BMAL1: variants seen among roughly 807,000 people sequenced by gnomAD.
The protein encoded by BMAL1 is basic helix-loop-helix ARNT-like protein 1.
chr11:13,383,613 C>G, the BMAL1 span, among the ~76,000 whole-genome samples: 1 of 152,154 alleles, frequency 6.6e-6, no homozygotes, highest in Non-Finnish European at 1.5e-5. Context: ...CTCTGGGAAG[C>G]TGAGGCAGGC....
At chr11:13,327,861 C>T in the BMAL1 span, among the ~76,000 whole-genome samples, 4 of 13,620 alleles carry the variant, frequency 2.9e-4, no homozygotes, top group Admixed American at 2.9e-3. Context: ...AAATACAAGC[C>T]CAGCATTTTT....
the BMAL1 span, among the ~76,000 whole-genome samples, chr11:13,303,645 C>T: frequency 6.6e-6 from 1 of 152,190 alleles, no homozygotes; most frequent in East Asian, 1.9e-4. Context: ...TCCTTTTATC[C>T]TGTGTCTCTG....
chr11:13,370,765 T>TA, the BMAL1 span, among the ~76,000 whole-genome samples: 1 of 152,168 alleles, frequency 6.6e-6, no homozygotes, highest in East Asian at 1.9e-4. Flanking sequence ...AGTCCCCTTT[T>TA]AAAAACCCTT....
chr11:13,290,804 A>G, the BMAL1 span, among the ~76,000 whole-genome samples: 1 of 152,096 alleles, frequency 6.6e-6, no homozygotes, highest in Non-Finnish European at 1.5e-5. Context: ...GTCTCAGTCC[A>G]GTGCCCAGCT....
the BMAL1 span, among the ~76,000 whole-genome samples, chr11:13,340,352 C>T: frequency 6.6e-6 from 1 of 152,204 alleles, no homozygotes; most frequent in Non-Finnish European, 1.5e-5. Flanking sequence ...GGCTTCGTCT[C>T]CCTAAGGAAA....
the BMAL1 span, among the ~76,000 whole-genome samples, chr11:13,285,834 C>T: frequency 6.6e-6 from 1 of 152,134 alleles, no homozygotes; most frequent in Non-Finnish European, 1.5e-5. Context: ...TTATCATACC[C>T]TGCTTAGAAG....
chr11:13,357,071 C>A, the BMAL1 span: 8 of 1,614,086 alleles, frequency 5.0e-6, no homozygotes, highest in African/African-American at 1.3e-5. The surrounding 1 kb of genome is among the most constrained non-coding windows in gnomAD (Gnocchi z 4.8). Flanking sequence ...ATATACAGAA[C>A]ACCAAGGAAG....
chr11:13,277,970 C>T, the BMAL1 span: 1 of 151,344 alleles, frequency 6.6e-6, no homozygotes, highest in Non-Finnish European at 1.5e-5. Flanking sequence ...CCGCGCACCC[C>T]GTCGGGGGCC....
At chr11:13,373,830 C>T in the BMAL1 span, among the ~76,000 whole-genome samples, 3 of 152,146 alleles carry the variant, frequency 2.0e-5, no homozygotes, top group Admixed American at 1.3e-4. Context: ...TTAAAGCCCC[C>T]TCAGATTTGA....
the BMAL1 span, among the ~76,000 whole-genome samples, chr11:13,328,811 C>G: frequency 6.6e-6 from 1 of 152,162 alleles, no homozygotes; most frequent in South Asian, 2.1e-4. Flanking sequence ...TCATAATGCT[C>G]CATACCTGGT....
the BMAL1 span, among the ~76,000 whole-genome samples, chr11:13,314,544 A>G: frequency 1.3e-5 from 2 of 152,034 alleles, no homozygotes; most frequent in East Asian, 1.9e-4. Flanking sequence ...TCTCTTCTCT[A>G]TATTCTTTGC....
At chr11:13,365,464 A>G in the BMAL1 span, 1 of 1,571,304 alleles carries the variant, frequency 6.4e-7, no homozygotes, top group Admixed American at 1.7e-5. Flanking sequence ...TGTTTCCTAC[A>G]GTATGAGAAA....
the BMAL1 span, among the ~76,000 whole-genome samples, chr11:13,314,892 C>T: frequency 6.6e-6 from 1 of 152,160 alleles, no homozygotes. Context: ...GAAGCTCTGA[C>T]CCCAGGGGTC....
At chr11:13,288,149 T>A in the BMAL1 span, among the ~76,000 whole-genome samples, 2 of 152,218 alleles carry the variant, frequency 1.3e-5, no homozygotes, top group Non-Finnish European at 2.9e-5. Context: ...TTTGCATTCA[T>A]GGACACAGAC....
the BMAL1 span, among the ~76,000 whole-genome samples, chr11:13,321,462 A>G: frequency 6.6e-6 from 1 of 152,204 alleles, no homozygotes; most frequent in African/African-American, 2.4e-5. Flanking sequence ...AATATTATAC[A>G]TGTAGTGAGT....
chr11:13,381,138 A>G, the BMAL1 span: 1 of 1,609,520 alleles, frequency 6.2e-7, no homozygotes, highest in South Asian at 1.1e-5. Flanking sequence ...AAGAAAAGGC[A>G]GTGTAATTCT....
At chr11:13,376,168 A>AG in the BMAL1 span, among the ~76,000 whole-genome samples, 1 of 152,190 alleles carries the variant, frequency 6.6e-6, no homozygotes, top group African/African-American at 2.4e-5. Flanking sequence ...CCTGTCAGGC[A>AG]GGGGGCCCAA....
At chr11:13,355,087 T>G in the BMAL1 span, 1 of 656,864 alleles carries the variant, frequency 1.5e-6, no homozygotes, top group Non-Finnish European at 2.6e-6. Flanking sequence ...GTGTAGAATA[T>G]TCAAAGGCAC....
chr11:13,377,313 TCA>T, the BMAL1 span, among the ~76,000 whole-genome samples: 1 of 152,188 alleles, frequency 6.6e-6, no homozygotes, highest in South Asian at 2.1e-4. Context: ...ACCTGGAGTC[TCA>T]GAGGCACCTG....
Sources: gnomAD v4.1 joint callset for allele counts (sites outside exome capture counted in the v4.1 genomes callset) on GRCh38, gnomAD v4.1.1 for gene constraint, Gnocchi (gnomAD v3.1) non-coding constraint, MANE v1.5 for transcripts, NCBI Gene and HGNC (gene_info 2026-07-23, HGNC 2026-07-21) for gene names.